Variants in RBM19 observed in about 807,000 individuals in gnomAD.
RBM19 encodes RNA binding motif protein 19, also known as probable RNA-binding protein 19.
RBM19 carries 94 observed loss-of-function variants against 116.8 expected under a neutral mutation model. The observed-to-expected ratio is 0.80, with a 90% CI of 0.68 to 0.95. The LOEUF (loss-of-function observed/expected upper bound fraction) is 0.95, where lower values mean the gene tolerates loss of function less well. Ranked by LOEUF, RBM19 falls within the 40% of genes least tolerant of loss-of-function variation. The probability of loss-of-function intolerance (pLI) is 0.00; values close to 1 mark genes in which losing one functional copy is unlikely to be tolerated. For synonymous variants in RBM19, 475 were observed against 494.1 expected (o/e 0.96, Z 0.51); for missense variants, 1,161 against 1,220.7 (o/e 0.95, Z 0.73).
At chr12:113,932,402 A>C (rs1433108178) in intron 16 of RBM19, among the ~76,000 whole-genome samples, 1 of 152,202 alleles carries the variant, frequency 6.6e-6, no homozygotes, top group Non-Finnish European at 1.5e-5. Flanking sequence ...AGAGAAATCC[A>C]GGGGAAAATG....
intron 11 of RBM19, 74 bp from the exon 12 acceptor site, chr12:113,946,549 G>T: frequency 6.3e-7 from 1 of 1,599,092 alleles, no homozygotes. Context: ...AAGGATGTTG[G>T]CTTCTGCCAC....
intron 2 of RBM19, 64 bp downstream of exon 2, chr12:113,962,168 G>C (rs1872553877): frequency 6.4e-7 from 1 of 1,570,660 alleles, no homozygotes; most frequent in African/African-American, 1.4e-5. Context: ...CTCAAGTGCT[G>C]AGTGAAAGAT....
At chr12:113,895,037 C>T (rs1241343882) in intron 21 of RBM19, among the ~76,000 whole-genome samples, 1 of 152,214 alleles carries the variant, frequency 6.6e-6, no homozygotes, top group East Asian at 1.9e-4. Context: ...CTTCACTCAT[C>T]AAGGCTTCTG....
rs1315503587 is a variant in RBM19, at chr12:113,945,844, C to T, written c.1610G>A (p.Ser537Asn). ...CTTACTCACGTGGTCAAACACTTGA[C>T]TCTTGGTGGCGTTGTACTTCTGTGC... ...AIAQKYNATK[S>N]QVFDHETKGS... Residue 537 changes from serine (S) to asparagine (N), a missense_variant, in exon 13 of 24, where the codon AGT becomes AAT. Ser to Asn is a conservative substitution (Grantham distance 46, BLOSUM62 1). Transcript: ENST00000261741. The T allele has an allele frequency of 6.4e-7, 1 of 1,568,466 alleles. No homozygotes were observed. The highest frequency in any genetic ancestry group is 1.1e-5 in the South Asian group (1 of 90,064).
chr12:113,862,492 C>G (rs1878479906), intron 21 of RBM19, among the ~76,000 whole-genome samples: 1 of 152,140 alleles, frequency 6.6e-6, no homozygotes, highest in Admixed American at 6.5e-5. Flanking sequence ...GATGAAGTAC[C>G]TTTAGCTCCT....
intron 21 of RBM19, among the ~76,000 whole-genome samples, chr12:113,886,603 G>T (rs1384597573): frequency 1.3e-5 from 2 of 152,268 alleles, no homozygotes; most frequent in African/African-American, 4.8e-5. Flanking sequence ...CATGGACCTT[G>T]CAACTGTGGT....
intron 7 of RBM19, among the ~76,000 whole-genome samples, chr12:113,953,210 C>T (rs1463227416): frequency 6.6e-6 from 1 of 152,190 alleles, no homozygotes; most frequent in Non-Finnish European, 1.5e-5. Context: ...ATATATTGGC[C>T]AGGTGCGGTG....
At chr12:113,923,250 TAGA>T (rs1051016164) in intron 18 of RBM19, among the ~76,000 whole-genome samples, 23 of 152,274 alleles carry the variant, frequency 1.5e-4, no homozygotes, top group African/African-American at 5.3e-4. Flanking sequence ...GATGGGCATA[TAGA>T]AGGAGGATGC....
chr12:113,944,607 G>A (rs1047197225), intron 13 of RBM19, among the ~76,000 whole-genome samples: 1 of 152,020 alleles, frequency 6.6e-6, no homozygotes, highest in African/African-American at 2.4e-5. Flanking sequence ...AGACCAGACT[G>A]GGCCACATAG....
intron 21 of RBM19, among the ~76,000 whole-genome samples, chr12:113,905,249 G>A (rs1264057028): frequency 6.6e-6 from 1 of 152,214 alleles, no homozygotes; most frequent in African/African-American, 2.4e-5. Context: ...GTATTGGCAT[G>A]GGGGCAGACA....
chr12:113,880,687 G>A lies in RBM19; in HGVS notation c.2559-21791C>T, dbSNP rs548126979. On this transcript the variant is annotated intron_variant, in intron 21 of 23. Coordinates refer to ENST00000261741, the MANE Select transcript of RBM19 (RefSeq NM_016196.4). Reference sequence around the variant, plus strand: ...TCCAGGGAAACCTTCCCTGCCCACTGAGCTACACTCCCAGGCTCCCTCAAC... The same window carrying A: ...TCCAGGGAAACCTTCCCTGCCCACTAAGCTACACTCCCAGGCTCCCTCAAC... Among the ~76,000 whole-genome samples the A allele has an allele frequency of 4.6e-5, 7 of 152,066 alleles. No individual in the cohort carries two copies. The South Asian group carries it at 1.5e-3, about 32-fold the overall frequency.
intron 22 of RBM19, among the ~76,000 whole-genome samples, chr12:113,854,577 G>T (rs769454788): frequency 2.6e-5 from 4 of 152,098 alleles, no homozygotes; most frequent in Non-Finnish European, 4.4e-5. Context: ...ATTTTCAGAG[G>T]GACTGACATT....
intron 21 of RBM19, among the ~76,000 whole-genome samples, chr12:113,868,691 G>A (rs923127033): frequency 2.6e-5 from 4 of 152,196 alleles, no homozygotes; most frequent in Non-Finnish European, 4.4e-5. Flanking sequence ...TGGGAGGTAC[G>A]ATATGGGAGA....
At chr12:113,851,639 A>G (rs1365164216) in intron 22 of RBM19, among the ~76,000 whole-genome samples, 3 of 152,172 alleles carry the variant, frequency 2.0e-5, no homozygotes, top group African/African-American at 2.4e-5. Context: ...GCTGGGAAGC[A>G]TAAATAAGAC....
chr12:113,946,087 C>A (rs73401038), intron 12 of RBM19, among the ~76,000 whole-genome samples, 163 bp from the exon 13 acceptor site: 25,006 of 152,134 alleles, frequency 0.16, 2,799 homozygotes, highest in African/African-American at 0.32. Context: ...GACAACAAGA[C>A]GGATGATGAC....
chr12:113,820,476 G>A (rs990483028), downstream of RBM19, among the ~76,000 whole-genome samples: 1 of 152,172 alleles, frequency 6.6e-6, no homozygotes, highest in East Asian at 1.9e-4. Context: ...CGAGTGCAGG[G>A]TCAGGTGAGG....
intron 22 of RBM19, among the ~76,000 whole-genome samples, chr12:113,849,778 C>A (rs1292411208): frequency 6.6e-6 from 1 of 152,202 alleles, no homozygotes; most frequent in Non-Finnish European, 1.5e-5. Flanking sequence ...CTCTTGGGAG[C>A]ACTTCCTGCC....
intron 16 of RBM19, among the ~76,000 whole-genome samples, chr12:113,927,599 A>C (rs12296432): frequency 0.11 from 13,314 of 119,298 alleles, 1,452 homozygotes; most frequent in African/African-American, 0.32. Flanking sequence ...AACAAAAAAA[A>C]AAAAACAAAA....
chr12:113,952,435 C>T, intron 8 of RBM19, 77 bp downstream of exon 8: 2 of 1,363,560 alleles, frequency 1.5e-6, no homozygotes, highest in Non-Finnish European at 2.1e-6. Context: ...CTTAAAACTT[C>T]TTCCTTATTC....
Sources: gnomAD v4.1 joint callset for allele counts (sites outside exome capture counted in the v4.1 genomes callset) on GRCh38, gnomAD v4.1.1 for gene constraint, MANE v1.5 for transcripts, NCBI Gene and HGNC (gene_info 2026-07-23, HGNC 2026-07-21) for gene names.